PRDM5: variants seen among roughly 807,000 people sequenced by gnomAD.
PRDM5 encodes the protein PR/SET domain 5.
Under a neutral mutation model 81.2 loss-of-function variants are expected in PRDM5, and 56 were observed. That is an observed-to-expected ratio of 0.69 (90% CI 0.56 to 0.86). The LOEUF (loss-of-function observed/expected upper bound fraction) is 0.86. Among genes scored for constraint, PRDM5 ranks in the 40% least tolerant of loss-of-function variants. The pLI is 0.00. For synonymous variants in PRDM5, 267 were observed against 256.4 expected (o/e 1.04, Z -0.39); for missense variants, 697 against 770.1 (o/e 0.91, Z 1.12).
intron 3 of PRDM5, among the ~76,000 whole-genome samples, chr4:120,836,965 G>C (rs1420628422): frequency 1.3e-5 from 2 of 152,120 alleles, no homozygotes; most frequent in Non-Finnish European, 2.9e-5. Flanking sequence ...TGTGCCACAA[G>C]ATTTATATAG....
chr4:120,715,639 A>T (rs1737633032), intron 14 of PRDM5, among the ~76,000 whole-genome samples: 3 of 152,202 alleles, frequency 2.0e-5, no homozygotes, highest in Non-Finnish European at 4.4e-5. Flanking sequence ...ATATCCAAAT[A>T]TTCTACTTAA....
At chr4:120,730,289 G>A (rs182733478) in intron 14 of PRDM5, among the ~76,000 whole-genome samples, 13 of 152,108 alleles carry the variant, frequency 8.5e-5, no homozygotes, top group Middle Eastern at 6.9e-3. Context: ...ACACAATAAG[G>A]ATATTTTACG....
At chr4:120,782,081 T>C (rs1749121031) in intron 11 of PRDM5, among the ~76,000 whole-genome samples, 1 of 152,184 alleles carries the variant, frequency 6.6e-6, no homozygotes, top group African/African-American at 2.4e-5. Context: ...GCTATTTTTA[T>C]AGTTCTTCTT....
intron 2 of PRDM5, among the ~76,000 whole-genome samples, chr4:120,878,906 G>A (rs1268598868): frequency 6.6e-6 from 1 of 152,142 alleles, no homozygotes; most frequent in Non-Finnish European, 1.5e-5. Context: ...ACAAGGACAT[G>A]GGGCAACAGG....
At chr4:120,701,163 T>TA (rs35533749) in intron 15 of PRDM5, among the ~76,000 whole-genome samples, 21,549 of 141,682 alleles carry the variant, frequency 0.15, 2,192 homozygotes, top group African/African-American at 0.27. Context: ...AAAAAAGAGG[T>TA]AAAAAAAAAA....
intron 14 of PRDM5, among the ~76,000 whole-genome samples, chr4:120,716,409 T>C (rs1396238389): frequency 6.6e-6 from 1 of 152,188 alleles, no homozygotes; most frequent in African/African-American, 2.4e-5. Flanking sequence ...CTGGACTCCC[T>C]CTTCTCTACC....
chr4:120,779,353 G>A (rs554608438), intron 12 of PRDM5, among the ~76,000 whole-genome samples: 4 of 152,200 alleles, frequency 2.6e-5, no homozygotes, highest in Non-Finnish European at 5.9e-5. Context: ...AACACACTAT[G>A]AATATACTGT....
At chr4:120,734,798 C>T (rs116243174) in intron 14 of PRDM5, among the ~76,000 whole-genome samples, 5,476 of 152,234 alleles carry the variant, frequency 0.036, 130 homozygotes, top group African/African-American at 0.061. Flanking sequence ...CTGTTTCTTC[C>T]GACACCTTTC....
intron 8 of PRDM5, among the ~76,000 whole-genome samples, chr4:120,802,806 C>A (rs545517909): frequency 6.6e-6 from 1 of 152,140 alleles, no homozygotes; most frequent in Non-Finnish European, 1.5e-5. Flanking sequence ...GCGCTTCTCC[C>A]CCTCCAAAGG....
At chr4:120,827,875 T>C (rs2667172) in intron 3 of PRDM5, among the ~76,000 whole-genome samples, 38,333 of 152,086 alleles carry the variant, frequency 0.25, 5,614 homozygotes, top group East Asian at 0.35. Context: ...GGCCTCAATG[T>C]CCTCATTGTA....
intron 2 of PRDM5, among the ~76,000 whole-genome samples, chr4:120,892,555 C>G (rs1245451309): frequency 6.6e-6 from 1 of 152,186 alleles, no homozygotes; most frequent in African/African-American, 2.4e-5. Context: ...GGCAGACAGG[C>G]CATATCCTTG....
intron 14 of PRDM5, among the ~76,000 whole-genome samples, chr4:120,744,553 A>G (rs1439118286): frequency 3.9e-5 from 6 of 152,186 alleles, no homozygotes; most frequent in Non-Finnish European, 5.9e-5. Flanking sequence ...TAAAGAAAAA[A>G]AGAGAGAAGA....
chr4:120,688,673 C>CT (rs1733925040), downstream of PRDM5, among the ~76,000 whole-genome samples: 1 of 151,930 alleles, frequency 6.6e-6, no homozygotes, highest in African/African-American at 2.4e-5. Flanking sequence ...GCTCCAACTT[C>CT]TTTTTTTACA....
At chr4:120,868,172 A>G (rs1042869491) in intron 2 of PRDM5, among the ~76,000 whole-genome samples, 3 of 152,168 alleles carry the variant, frequency 2.0e-5, no homozygotes, top group Admixed American at 6.5e-5. Flanking sequence ...TTACCTAAAC[A>G]AGAAGTGGAA....
At chr4:120,903,777 G>A (rs375990774) in intron 2 of PRDM5, among the ~76,000 whole-genome samples, 6 of 152,136 alleles carry the variant, frequency 3.9e-5, no homozygotes, top group South Asian at 2.1e-4. Flanking sequence ...TTTTATAAAC[G>A]GGAGTTCTCT....
intron 13 of PRDM5, among the ~76,000 whole-genome samples, chr4:120,774,326 G>T (rs537642160): frequency 6.6e-6 from 1 of 152,326 alleles, no homozygotes; most frequent in East Asian, 1.9e-4. Context: ...TTGCTCATGT[G>T]ATAGCACACC....
rs200556342 is a variant in PRDM5, at chr4:120,818,445, G to A, written c.558C>T (p.Leu186=). 20 of 1,613,540 alleles carry A rather than the reference G, an allele frequency of 1.2e-5. 1 individual carries two copies. In the South Asian group the frequency reaches 2.2e-4, roughly 18 times the overall value. The change falls in exon 5 of 16, where the codon CTC becomes CTT. Residue 186 remains leucine, a synonymous_variant. Coordinates refer to ENST00000264808, the MANE Select transcript of PRDM5 (RefSeq NM_018699.4). ...FTSEDILAEH[L]QTLHQKPTEE... is the part of the protein sequence containing the mutation. ...CTGTGGGTTTCTGGTGCAATGTCTG[G>A]AGATGCTCAGCAAGAATATCCTCAC... is the stretch of plus-strand genomic sequence containing the variant.
chr4:120,772,734 G>GT (rs1356802072), intron 13 of PRDM5, among the ~76,000 whole-genome samples: 1 of 152,172 alleles, frequency 6.6e-6, no homozygotes, highest in Non-Finnish European at 1.5e-5. Context: ...CCCTTCAAGA[G>GT]TATTTGTTCC....
intron 1 of PRDM5, among the ~76,000 whole-genome samples, chr4:120,916,322 G>C (rs989209436): frequency 6.6e-6 from 1 of 152,064 alleles, no homozygotes; most frequent in Non-Finnish European, 1.5e-5. Flanking sequence ...GGGAGGCAAA[G>C]GTTGCAGTGA....
Sources: gnomAD v4.1 joint callset for allele counts (sites outside exome capture counted in the v4.1 genomes callset) on GRCh38, gnomAD v4.1.1 for gene constraint, MANE v1.5 for transcripts, NCBI Gene and HGNC (gene_info 2026-07-23, HGNC 2026-07-21) for gene names.